The following GLIS3 variants were observed in gnomAD, a reference collection of about 807,000 sequenced individuals.
The protein encoded by GLIS3 is GLIS family zinc finger 3, also known as zinc finger protein GLIS3.
A neutral mutation model predicts 78.6 loss-of-function variants in GLIS3; 53 were observed. That is an observed-to-expected ratio of 0.67 (90% CI 0.54 to 0.85). The LOEUF (loss-of-function observed/expected upper bound fraction) is 0.85, where lower values mean the gene tolerates loss of function less well. GLIS3 is among the 40% of genes least tolerant of loss of function. The pLI is 0.00. For synonymous variants in GLIS3, 684 were observed against 509.9 expected (o/e 1.34, Z -4.60); for missense variants, 1,703 against 1,231.1 (o/e 1.38, Z -5.74).
the GLIS3 span, among the ~76,000 whole-genome samples, chr9:4,415,796 C>CG: frequency 1.6e-5 from 1 of 60,980 alleles, no homozygotes; most frequent in Non-Finnish European, 3.1e-5. Flanking sequence ...AAAATTTTAA[C>CG]TTTTCTTTTT....
At chr9:4,208,847 T>A (rs1820112522) in intron 2 of GLIS3, among the ~76,000 whole-genome samples, 2 of 152,176 alleles carry the variant, frequency 1.3e-5, no homozygotes. Flanking sequence ...TTGTGTGCCC[T>A]TCAGAGGAGG....
chr9:4,321,959 G>A (rs1247541194), intron 2 of GLIS3, among the ~76,000 whole-genome samples: 1 of 152,112 alleles, frequency 6.6e-6, no homozygotes, highest in Non-Finnish European at 1.5e-5. Flanking sequence ...TACAAGTGCA[G>A]TGTTGGTGAG....
chr9:4,134,158 G>T (rs1250996603), intron 2 of GLIS3, among the ~76,000 whole-genome samples: 1 of 151,988 alleles, frequency 6.6e-6, no homozygotes, highest in African/African-American at 2.4e-5. Flanking sequence ...TATAAGCCTG[G>T]CCCTTTTATT....
chr9:4,060,175 A>C (rs10974310), intron 4 of GLIS3, among the ~76,000 whole-genome samples: 43,929 of 151,714 alleles, frequency 0.29, 6,967 homozygotes, highest in East Asian at 0.39. Flanking sequence ...CTACCCTGAA[A>C]CTCTCAGTGG....
intron 2 of GLIS3, among the ~76,000 whole-genome samples, chr9:4,236,947 G>C (rs971109823): frequency 6.6e-6 from 1 of 151,932 alleles, no homozygotes; most frequent in African/African-American, 2.4e-5. Flanking sequence ...GCTCAGCATC[G>C]TCTCAGGTGA....
chr9:3,851,467 G>A (rs139880892), intron 9 of GLIS3, among the ~76,000 whole-genome samples: 16 of 152,290 alleles, frequency 1.1e-4, no homozygotes, highest in African/African-American at 3.4e-4. Flanking sequence ...TACTAATGAA[G>A]GCAAAATGAA....
chr9:4,106,524 G>A (rs903114198), intron 4 of GLIS3, among the ~76,000 whole-genome samples: 2 of 152,140 alleles, frequency 1.3e-5, no homozygotes, highest in African/African-American at 2.4e-5. Context: ...TAAAGAGCCA[G>A]GCAATTTCAT....
chr9:4,388,497 G>A, the GLIS3 span, among the ~76,000 whole-genome samples: 2 of 151,890 alleles, frequency 1.3e-5, no homozygotes, highest in Admixed American at 6.6e-5. Flanking sequence ...ACCAATTGGT[G>A]AAACCCTGTC....
chr9:4,315,004 T>C (rs1817417114), intron 2 of GLIS3, among the ~76,000 whole-genome samples: 1 of 152,206 alleles, frequency 6.6e-6, no homozygotes, highest in African/African-American at 2.4e-5. Context: ...GTGAAGCCAT[T>C]CTATAGCTAC....
chr9:4,096,863 T>G (rs767624575), intron 4 of GLIS3, among the ~76,000 whole-genome samples: 2 of 151,814 alleles, frequency 1.3e-5, no homozygotes, highest in Non-Finnish European at 2.9e-5. Context: ...AATACAGAAA[T>G]TAACCAGGCA....
At chr9:3,998,750 T>G (rs1820917918) in intron 4 of GLIS3, among the ~76,000 whole-genome samples, 2 of 149,340 alleles carry the variant, frequency 1.3e-5, no homozygotes, top group South Asian at 4.2e-4. Flanking sequence ...GGTTTTAATT[T>G]TATGTTTATT....
chr9:4,394,095 G>C, the GLIS3 span, among the ~76,000 whole-genome samples: 1 of 151,620 alleles, frequency 6.6e-6, no homozygotes, highest in Non-Finnish European at 1.5e-5. Context: ...AAAAGAAAAA[G>C]AAAAAAGAGT....
chr9:4,330,843 C>T (rs10814942), intron 2 of GLIS3, among the ~76,000 whole-genome samples: 22,700 of 152,100 alleles, frequency 0.15, 2,072 homozygotes, highest in Admixed American at 0.28. Context: ...ACCACCAGCA[C>T]CAGGCGAGCC....
intron 9 of GLIS3, among the ~76,000 whole-genome samples, chr9:3,854,179 G>A (rs1015539823): frequency 1.3e-5 from 2 of 152,196 alleles, no homozygotes; most frequent in Non-Finnish European, 2.9e-5. Context: ...TCCTCGACTG[G>A]ACTGGCAGGC....
intron 7 of GLIS3, among the ~76,000 whole-genome samples, chr9:3,892,276 T>C (rs1822516204): frequency 6.6e-6 from 1 of 151,710 alleles, no homozygotes; most frequent in Non-Finnish European, 1.5e-5. Context: ...GAAATTTAGG[T>C]AGAAAAACTA....
At chr9:4,036,995 C>G (rs1824369154) in intron 4 of GLIS3, among the ~76,000 whole-genome samples, 1 of 152,174 alleles carries the variant, frequency 6.6e-6, no homozygotes, top group African/African-American at 2.4e-5. Context: ...AGAGCCAGAG[C>G]TGAAGACAGG....
chr9:3,901,307 C>G (rs984787800), intron 6 of GLIS3: 33 of 155,852 alleles, frequency 2.1e-4, no homozygotes, highest in Non-Finnish European at 4.4e-4. Flanking sequence ...TCCAAATTTT[C>G]TACATTCAAA....
the GLIS3 span, among the ~76,000 whole-genome samples, chr9:4,386,026 T>C: frequency 6.6e-6 from 1 of 152,208 alleles, no homozygotes; most frequent in Admixed American, 6.5e-5. Context: ...TGCTGCCTCA[T>C]CACTCATGGC....
chr9:4,140,757 G>A (rs1833748890), intron 2 of GLIS3, among the ~76,000 whole-genome samples: 2 of 151,732 alleles, frequency 1.3e-5, no homozygotes, highest in South Asian at 4.2e-4. Context: ...CGTCTCAAGA[G>A]AGGTTATTAT....
Sources: allele counts gnomAD v4.1 joint callset (sites outside exome capture counted in the v4.1 genomes callset), GRCh38; gene constraint gnomAD v4.1.1; transcripts MANE v1.5; gene names NCBI Gene and HGNC (gene_info 2026-07-23, HGNC 2026-07-21).